The following CSMD1 variants were observed in gnomAD, a reference collection of about 807,000 sequenced individuals.
CSMD1 encodes CUB and Sushi multiple domains 1, also known as CUB and sushi domain-containing protein 1.
In CSMD1, 213 loss-of-function variants were observed where a neutral mutation model predicts 417.5. That is an observed-to-expected ratio of 0.51 (90% confidence interval 0.46 to 0.57). The LOEUF (loss-of-function observed/expected upper bound fraction) is 0.57. Among genes scored for constraint, CSMD1 ranks in the 20% least tolerant of loss-of-function variants. The pLI is 0.00. For missense variants in CSMD1, 6,923 were observed against 4,529.7 expected, an observed-to-expected ratio of 1.53 and a Z score of -15.17; for synonymous variants, 2,862 against 1,736.8, an observed-to-expected ratio of 1.65 and a Z score of -16.11.
chr8:3,934,745 G>C (rs1385002563), intron 5 of CSMD1, among the ~76,000 whole-genome samples: 1 of 152,058 alleles, frequency 6.6e-6, no homozygotes, highest in African/African-American at 2.4e-5. Flanking sequence ...TACTCGGGAG[G>C]CTGAAGCAGG....
intron 46 of CSMD1, among the ~76,000 whole-genome samples, chr8:3,101,269 C>T (rs1041210985): frequency 1.3e-5 from 2 of 152,134 alleles, no homozygotes; most frequent in African/African-American, 4.8e-5. Context: ...ACGCCACACC[C>T]TCCTTTGTGT....
At chr8:4,860,075 C>A (rs1261667342) in intron 1 of CSMD1, among the ~76,000 whole-genome samples, 1 of 151,958 alleles carries the variant, frequency 6.6e-6, no homozygotes, top group Middle Eastern at 3.4e-3. Flanking sequence ...GAATACTATG[C>A]AGCCATAAAA....
intron 3 of CSMD1, among the ~76,000 whole-genome samples, chr8:4,251,348 A>C (rs1803058840): frequency 6.6e-6 from 1 of 152,192 alleles, no homozygotes; most frequent in Non-Finnish European, 1.5e-5. Flanking sequence ...AATAAAATGT[A>C]ATTTAAGAGT....
At chr8:3,063,982 C>T (rs763616334) in intron 49 of CSMD1, among the ~76,000 whole-genome samples, 3 of 152,180 alleles carry the variant, frequency 2.0e-5, no homozygotes, top group Non-Finnish European at 4.4e-5. Context: ...CTATATGCCA[C>T]AGATGCACGG....
At chr8:4,726,880 A>G (rs374266569) in intron 1 of CSMD1, among the ~76,000 whole-genome samples, 3 of 152,222 alleles carry the variant, frequency 2.0e-5, no homozygotes, top group Non-Finnish European at 4.4e-5. Context: ...TTTCAAAAAC[A>G]TTATTAGAAA....
intron 5 of CSMD1, among the ~76,000 whole-genome samples, chr8:3,852,065 C>G (rs766292618): frequency 3.3e-5 from 5 of 152,146 alleles, no homozygotes; most frequent in Admixed American, 3.3e-4. Context: ...TTGAGGCAGA[C>G]TGGAGGAGAT....
chr8:4,267,978 G>A (rs909262539), intron 3 of CSMD1, among the ~76,000 whole-genome samples: 1 of 152,076 alleles, frequency 6.6e-6, no homozygotes, highest in Non-Finnish European at 1.5e-5. Flanking sequence ...TCTAGAGTCA[G>A]TACAAGTGAG....
At chr8:3,222,950 C>T (rs1798300650) in intron 28 of CSMD1, among the ~76,000 whole-genome samples, 1 of 152,112 alleles carries the variant, frequency 6.6e-6, no homozygotes, top group Non-Finnish European at 1.5e-5. Context: ...AAAGTCGTTC[C>T]ATTGACAGAT....
At chr8:4,400,855 C>T (rs530557861) in intron 3 of CSMD1, among the ~76,000 whole-genome samples, 1 of 150,588 alleles carries the variant, frequency 6.6e-6, no homozygotes, top group Non-Finnish European at 1.5e-5. Context: ...TATTTAATAG[C>T]AGAAAAATTG....
intron 17 of CSMD1, among the ~76,000 whole-genome samples, chr8:3,392,857 C>A (rs1811432103): frequency 6.6e-6 from 1 of 152,090 alleles, no homozygotes; most frequent in Admixed American, 6.6e-5. Flanking sequence ...TCTACACCAC[C>A]CACAGAAATA....
chr8:4,874,933 T>C (rs1370504349), intron 1 of CSMD1, among the ~76,000 whole-genome samples: 1 of 151,104 alleles, frequency 6.6e-6, no homozygotes, highest in Non-Finnish European at 1.5e-5. Flanking sequence ...CCACAAGCTT[T>C]ATTTTTCATT....
intron 7 of CSMD1, among the ~76,000 whole-genome samples, chr8:3,625,540 A>T (rs1313190630): frequency 6.6e-6 from 1 of 152,144 alleles, no homozygotes; most frequent in African/African-American, 2.4e-5. Context: ...TCTGGTCTCT[A>T]ACTCAACTGC....
Position 3,741,781 on chromosome 8 carries a change from C to T in CSMD1, c.931+12149G>A, listed in dbSNP as rs1195123811. On this transcript the variant is annotated intron_variant, in intron 6 of 69. Coordinates refer to ENST00000635120, the MANE Select transcript of CSMD1 (RefSeq NM_033225.6). ...TTGAATTTATTTGTGGGAATATGCC[C>T]ATTTCTCTATGACCCTCCATGGCCC... Among the ~76,000 whole-genome samples the T allele has an allele frequency of 2.0e-5, 3 of 152,104 alleles. No homozygotes were observed. The East Asian group carries it at 5.8e-4, about 29-fold the overall frequency.
chr8:2,979,410 G>C (rs1805215909), intron 54 of CSMD1, among the ~76,000 whole-genome samples: 1 of 152,258 alleles, frequency 6.6e-6, no homozygotes, highest in Admixed American at 6.5e-5. Flanking sequence ...GGGACATGCT[G>C]TGGTTCCTCT....
rs781379138 is a variant in CSMD1, at chr8:3,107,776, T to C, written c.6777A>G (p.Gln2259=). 5.7e-6 allele frequency: 9 copies of C among 1,583,586 alleles called. No homozygotes were observed. Among genetic ancestry groups the C allele is most frequent in the African/African-American group, 5.5e-5 (4 of 72,974 alleles). The stretch of plus-strand genomic sequence containing the variant: ...CTGCCTGTGGAACCGCTGGGGGAGG[T>C]TGACATTTCTTGAGCTGAAATGCTA... ...NFHAFQLKKC[Q]PPPAVPQAEM... is the part of the protein sequence containing the mutation. The change falls in exon 45 of 70, where the codon CAA becomes CAG. Residue 2259 remains glutamine (Q), a synonymous_variant. Coordinates refer to ENST00000635120, the MANE Select transcript of CSMD1 (RefSeq NM_033225.6).
Position 3,250,359 on chromosome 8 carries a change from T to A in CSMD1, c.4154-20128A>T, listed in dbSNP as rs1377155379. On this transcript the variant is annotated intron_variant, in intron 26 of 69. Transcript: ENST00000635120. ...TTGCTGAGAATGATGGTTTCCAGCT[T>A]CATCCCTGTCCCTACAAAGGACATG... is the stretch of plus-strand genomic sequence containing the variant. Among the ~76,000 whole-genome samples the A allele has an allele frequency of 6.6e-5, 10 of 152,370 alleles. No individual in the cohort carries two copies. In the Middle Eastern group the frequency reaches 0.01, roughly 155 times the overall value.
At position 3,151,490 on chromosome 8, in the gene CSMD1, T is replaced by A; in HGVS notation, c.5938A>T (p.Thr1980Ser). The A allele has an allele frequency of 6.2e-7, 1 of 1,613,210 alleles. No individual in the cohort carries two copies. ...GGGCTCAGGATCACACCACCCAAGGTGCTCAGCGTCCCTCCACAGGTTGCT... is the reference window on the plus strand; with the variant it reads ...GGGCTCAGGATCACACCACCCAAGGAGCTCAGCGTCCCTCCACAGGTTGCT... Reference protein sequence around the residue: ...CIATCGGTLSTLGGVILSPGF... With the variant: ...CIATCGGTLSSLGGVILSPGF... The change falls in exon 40 of 70, where the codon ACC (threonine) becomes TCC (serine). Residue 1980 changes from threonine (T) to serine (S), a missense_variant. Physicochemically the swap from Thr to Ser is moderately conservative, Grantham distance 58 (BLOSUM62 1). Transcript: ENST00000635120.
At chr8:4,710,428 C>T (rs980414705) in intron 1 of CSMD1, among the ~76,000 whole-genome samples, 1 of 145,798 alleles carries the variant, frequency 6.9e-6, no homozygotes, top group Non-Finnish European at 1.5e-5. Flanking sequence ...ATATTTAATA[C>T]AATATAAACT....
chr8:4,912,122 C>CAAAAAAAAAAAAAAAAAAAA (rs36194482), intron 1 of CSMD1, among the ~76,000 whole-genome samples: 24 of 84,544 alleles, frequency 2.8e-4, no homozygotes, highest in African/African-American at 4.4e-4. Context: ...AACATAGCTT[C>CAAAAAAAAAAAAAAAAAAAA]AAAAAAAAAA....
Sources: allele counts gnomAD v4.1 joint callset (sites outside exome capture counted in the v4.1 genomes callset), GRCh38; gene constraint gnomAD v4.1.1; transcripts MANE v1.5; gene names NCBI Gene and HGNC (gene_info 2026-07-23, HGNC 2026-07-21).